TMTC1: variants seen among roughly 807,000 people sequenced by gnomAD.
TMTC1 encodes the protein transmembrane O-mannosyltransferase targeting cadherins 1.
In TMTC1, 73 loss-of-function variants were observed where a neutral mutation model predicts 104.8. The observed-to-expected ratio is 0.70, with a 90% CI of 0.58 to 0.85. TMTC1 has a LOEUF of 0.85. TMTC1 is among the 40% of genes least tolerant of loss of function. The probability of loss-of-function intolerance (pLI) is 0.00; values close to 1 mark genes in which losing one functional copy is unlikely to be tolerated. For missense variants in TMTC1, 1,035 were observed against 1,096.1 expected (o/e 0.94, Z 0.79); for synonymous variants, 434 against 428.7 (o/e 1.01, Z -0.15).
chr12:29,758,656 C>T, intron 3 of TMTC1, 48 bp downstream of exon 3: 2 of 1,565,712 alleles, frequency 1.3e-6, no homozygotes, highest in Non-Finnish European at 1.8e-6. Context: ...AGTCTACACA[C>T]ACGGCACAGT....
intron 5 of TMTC1, among the ~76,000 whole-genome samples, chr12:29,684,042 C>T (rs1941011749): frequency 6.6e-6 from 1 of 152,106 alleles, no homozygotes; most frequent in African/African-American, 2.4e-5. Flanking sequence ...CAGGGTTTCG[C>T]CATTTTGGCC....
At chr12:29,627,263 C>T (rs1938049604) in intron 6 of TMTC1, among the ~76,000 whole-genome samples, 1 of 151,904 alleles carries the variant, frequency 6.6e-6, no homozygotes, top group Non-Finnish European at 1.5e-5. Context: ...AACTCAACAA[C>T]AAAAAAGACA....
At chr12:29,533,472 T>C (rs970161877) in intron 11 of TMTC1, 5 of 152,186 alleles carry the variant, frequency 3.3e-5, no homozygotes, top group Non-Finnish European at 7.3e-5. Flanking sequence ...GGGAAGGATT[T>C]TGGCAGGTGT....
intron 5 of TMTC1, chr12:29,658,384 C>G (rs1038242756): frequency 6.6e-6 from 1 of 152,082 alleles, no homozygotes; most frequent in African/African-American, 2.4e-5. Context: ...TATTATGACA[C>G]AAATTCATAG....
At chr12:29,717,770 T>G (rs1270815927) in intron 5 of TMTC1, among the ~76,000 whole-genome samples, 1 of 152,216 alleles carries the variant, frequency 6.6e-6, no homozygotes, top group Non-Finnish European at 1.5e-5. Flanking sequence ...TTTCAAAGTT[T>G]TGTCATATTG....
intron 5 of TMTC1, among the ~76,000 whole-genome samples, chr12:29,748,526 C>G (rs1430856071): frequency 6.6e-6 from 1 of 152,184 alleles, no homozygotes; most frequent in Non-Finnish European, 1.5e-5. Flanking sequence ...AGTCTGGGTT[C>G]CAATCCTGAC....
At chr12:29,686,616 C>A (rs1388101818) in intron 5 of TMTC1, among the ~76,000 whole-genome samples, 1 of 152,194 alleles carries the variant, frequency 6.6e-6, no homozygotes, top group Non-Finnish European at 1.5e-5. Context: ...GCTCTCCAAC[C>A]CATAGCTATT....
chr12:29,567,880 ATAAAG>A (rs1483879002), intron 9 of TMTC1, among the ~76,000 whole-genome samples: 1 of 152,232 alleles, frequency 6.6e-6, no homozygotes, highest in Non-Finnish European at 1.5e-5. Flanking sequence ...AGGAATTATA[ATAAAG>A]TAGTCTTACT....
chr12:29,754,396 A>G (rs556702241), intron 4 of TMTC1, among the ~76,000 whole-genome samples: 3 of 152,310 alleles, frequency 2.0e-5, no homozygotes, highest in South Asian at 4.1e-4. Flanking sequence ...CAGAGGAGAC[A>G]TGACTTTCAT....
intron 5 of TMTC1, among the ~76,000 whole-genome samples, chr12:29,643,597 T>TTATA (rs1555180677): frequency 6.5e-5 from 2 of 30,886 alleles, no homozygotes; most frequent in South Asian, 3.3e-3. Context: ...TAAATATATA[T>TTATA]TATATATTAT....
intron 5 of TMTC1, among the ~76,000 whole-genome samples, chr12:29,680,980 T>G (rs1018860425): frequency 1.3e-5 from 2 of 151,190 alleles, no homozygotes; most frequent in African/African-American, 4.9e-5. Context: ...ATGCCTGTAA[T>G]CCCAGCTACT....
At chr12:29,578,026 C>T (rs1405396470) in intron 8 of TMTC1, among the ~76,000 whole-genome samples, 1 of 151,934 alleles carries the variant, frequency 6.6e-6, no homozygotes, top group Non-Finnish European at 1.5e-5. Flanking sequence ...GAAATGAATA[C>T]AACTGGCATA....
chr12:29,576,294 C>T (rs1441829234), intron 8 of TMTC1, among the ~76,000 whole-genome samples: 1 of 152,140 alleles, frequency 6.6e-6, no homozygotes, highest in East Asian at 1.9e-4. Flanking sequence ...GCTGCCTGCG[C>T]TCTTAGTGTT....
At chr12:29,533,558 T>C (rs557731861) in intron 11 of TMTC1, 1 of 152,250 alleles carries the variant, frequency 6.6e-6, no homozygotes, top group East Asian at 1.9e-4. Context: ...ATTCAACAAA[T>C]TAACGAATGC....
At chr12:29,661,715 C>T (rs545240866) in intron 5 of TMTC1, among the ~76,000 whole-genome samples, 1 of 152,136 alleles carries the variant, frequency 6.6e-6, no homozygotes, top group African/African-American at 2.4e-5. Flanking sequence ...AGATTACAGG[C>T]GTGAGCCACT....
intron 10 of TMTC1, among the ~76,000 whole-genome samples, chr12:29,543,435 A>T (rs759522361): frequency 1.3e-5 from 2 of 152,222 alleles, no homozygotes; most frequent in Non-Finnish European, 2.9e-5. Flanking sequence ...TTTGGGGAGA[A>T]CGTAGGAAAT....
chr12:29,621,773 T>C (rs1412214874), intron 6 of TMTC1, among the ~76,000 whole-genome samples: 1 of 152,150 alleles, frequency 6.6e-6, no homozygotes, highest in Non-Finnish European at 1.5e-5. Flanking sequence ...TGGACCAGCA[T>C]GGAGGTAAAT....
At chr12:29,512,444 C>A (rs955597437) in intron 16 of TMTC1, among the ~76,000 whole-genome samples, 1 of 152,064 alleles carries the variant, frequency 6.6e-6, no homozygotes, top group South Asian at 2.1e-4. Context: ...TACTTTCTGG[C>A]CTTTTTTCAC....
rs568270641 is a variant in TMTC1 at position 29,700,369 on chromosome 12, C to T, written c.938+51297G>A. 1.4e-3 allele frequency among the ~76,000 whole-genome samples: 210 copies of T among 151,598 alleles called. 1 individual carries two copies. Among genetic ancestry groups the T allele is most frequent in the Non-Finnish European group, 1.9e-4 (13 of 67,820 alleles). On this transcript the variant is annotated intron_variant, in intron 5 of 17. Coordinates refer to ENST00000539277, the MANE Select transcript of TMTC1 (RefSeq NM_001193451.2). ...TGCCTCAGCCTCCCGAGTAGCTGGG[C>T]TCTTTTAATATTTTGTAGAGATAGA...
Sources: allele counts gnomAD v4.1 joint callset (sites outside exome capture counted in the v4.1 genomes callset), GRCh38; gene constraint gnomAD v4.1.1; transcripts MANE v1.5; gene names NCBI Gene and HGNC (gene_info 2026-07-23, HGNC 2026-07-21).